ADAMTS12: variants seen among roughly 807,000 people sequenced by gnomAD.
The protein encoded by ADAMTS12 is A disintegrin and metalloproteinase with thrombospondin motifs 12.
In ADAMTS12, 118 loss-of-function variants were observed where a neutral mutation model predicts 167.8. That is an observed-to-expected ratio of 0.70 (90% CI 0.61 to 0.82). ADAMTS12 has a LOEUF of 0.82. Ranked by LOEUF, ADAMTS12 falls within the 40% of genes least tolerant of loss-of-function variation. The pLI is 0.00. For missense variants in ADAMTS12, 1,916 were observed against 1,998.8 expected (o/e 0.96, Z 0.79); for synonymous variants, 704 against 716.9 (o/e 0.98, Z 0.29).
chr5:33,870,782 T>G (rs549979764), intron 2 of ADAMTS12, among the ~76,000 whole-genome samples: 1 of 152,244 alleles, frequency 6.6e-6, no homozygotes, highest in South Asian at 2.1e-4. Context: ...TCTCATGAGA[T>G]CTGGTTGTTT....
At chr5:33,701,724 C>T (rs1743011430) in intron 3 of ADAMTS12, among the ~76,000 whole-genome samples, 1 of 152,212 alleles carries the variant, frequency 6.6e-6, no homozygotes, top group African/African-American at 2.4e-5. Flanking sequence ...TAAATAACCA[C>T]TCTCAGAGTT....
chr5:33,614,473 G>T, intron 15 of ADAMTS12, 97 bp from the exon 16 acceptor site: 1 of 1,439,292 alleles, frequency 6.9e-7, no homozygotes, highest in Non-Finnish European at 9.6e-7. Context: ...TCTAAAATTA[G>T]TAATGGGAGC....
At chr5:33,877,352 G>A (rs968437125) in intron 2 of ADAMTS12, among the ~76,000 whole-genome samples, 8 of 152,186 alleles carry the variant, frequency 5.3e-5, no homozygotes, top group African/African-American at 1.2e-4. Flanking sequence ...TCTTCTGCAC[G>A]AGGGTGGATA....
intron 17 of ADAMTS12, among the ~76,000 whole-genome samples, chr5:33,592,422 A>T (rs1160867188): frequency 6.6e-6 from 1 of 152,210 alleles, no homozygotes; most frequent in Non-Finnish European, 1.5e-5. Context: ...AGGTTTATTG[A>T]GTACTTTGGA....
At chr5:33,747,272 A>C (rs746977842) in intron 3 of ADAMTS12, among the ~76,000 whole-genome samples, 23 of 152,168 alleles carry the variant, frequency 1.5e-4, no homozygotes, top group Non-Finnish European at 2.6e-4. Context: ...ATTCATTGAG[A>C]ATCTATAGCC....
At chr5:33,760,400 T>C (rs1320806664) in intron 2 of ADAMTS12, among the ~76,000 whole-genome samples, 2 of 151,790 alleles carry the variant, frequency 1.3e-5, no homozygotes, top group African/African-American at 4.8e-5. Flanking sequence ...TTGAAAAACA[T>C]TCCAGTAGGC....
intron 5 of ADAMTS12, among the ~76,000 whole-genome samples, chr5:33,675,635 T>A (rs1332427127): frequency 6.6e-6 from 1 of 152,200 alleles, no homozygotes; most frequent in Non-Finnish European, 1.5e-5. Flanking sequence ...TGTGTAGAAC[T>A]TTCATCTGCA....
intron 2 of ADAMTS12, among the ~76,000 whole-genome samples, chr5:33,855,415 A>T (rs1222038795): frequency 6.6e-6 from 1 of 152,246 alleles, no homozygotes; most frequent in Non-Finnish European, 1.5e-5. Context: ...GGACAAATTG[A>T]TTCCTTGCTG....
At chr5:33,648,700 T>C in intron 9 of ADAMTS12, 122 bp downstream of exon 9, 1 of 1,263,706 alleles carries the variant, frequency 7.9e-7, no homozygotes, top group Non-Finnish European at 1.1e-6. Context: ...CACCTTGCCT[T>C]AAATATAAAG....
chr5:33,588,617 T>G lies in ADAMTS12; in HGVS notation c.2847A>C (p.Thr949=), dbSNP rs1747478009. 1 of 1,614,000 alleles carries G rather than the reference T, an allele frequency of 6.2e-7. No individual in the cohort carries two copies. Among genetic ancestry groups the G allele is most frequent in the African/African-American group, 1.3e-5 (1 of 74,912 alleles). ...AGCTCACCTCACTCCAGTTGCCCACTGTCCAGTCCGAGGGGCACAGGATGT... is the reference window on the plus strand; with the variant it reads ...AGCTCACCTCACTCCAGTTGCCCACGGTCCAGTCCGAGGGGCACAGGATGT... ...NRDILCPSDW[T]VGNWSECSVS... The change falls in exon 18 of 24, where the codon ACA becomes ACC. Residue 949 remains threonine, a synonymous_variant. Transcript: ENST00000504830.
At chr5:33,638,686 A>G (rs990912378) in intron 11 of ADAMTS12, among the ~76,000 whole-genome samples, 2 of 152,124 alleles carry the variant, frequency 1.3e-5, no homozygotes, top group Non-Finnish European at 2.9e-5. Flanking sequence ...ATCATTCCCA[A>G]AGATAGTTCT....
chr5:33,577,830 A>T (rs1348824481), intron 18 of ADAMTS12, among the ~76,000 whole-genome samples: 1 of 152,152 alleles, frequency 6.6e-6, no homozygotes, highest in Non-Finnish European at 1.5e-5. Flanking sequence ...CATGGCACTG[A>T]GGTATATATT....
chr5:33,567,115 CT>C (rs1702305427), intron 19 of ADAMTS12, among the ~76,000 whole-genome samples: 1 of 152,186 alleles, frequency 6.6e-6, no homozygotes, highest in Non-Finnish European at 1.5e-5. Flanking sequence ...CCTAGCCTTC[CT>C]AATGTGTGTG....
At chr5:33,873,792 G>C (rs1234212829) in intron 2 of ADAMTS12, among the ~76,000 whole-genome samples, 1 of 152,178 alleles carries the variant, frequency 6.6e-6, no homozygotes, top group Non-Finnish European at 1.5e-5. Context: ...AAGTGGGAAA[G>C]GCAATGTAAT....
At chr5:33,784,313 T>C (rs1746253612) in intron 2 of ADAMTS12, among the ~76,000 whole-genome samples, 1 of 151,914 alleles carries the variant, frequency 6.6e-6, no homozygotes, top group Admixed American at 6.6e-5. Context: ...ATATGTCCCC[T>C]CTCACTACTT....
intron 1 of ADAMTS12, among the ~76,000 whole-genome samples, chr5:33,884,935 G>A (rs547870245): frequency 2.6e-5 from 4 of 152,204 alleles, no homozygotes; most frequent in South Asian, 2.1e-4. Flanking sequence ...AAGGGAGCAC[G>A]AACGAAAAGC....
intron 2 of ADAMTS12, among the ~76,000 whole-genome samples, chr5:33,849,758 CTATATATGTATTGCATAGCAATATAT>C (rs1749150114): frequency 1.4e-5 from 2 of 146,820 alleles, no homozygotes; most frequent in African/African-American, 5.0e-5. Context: ...TATATAGTAT[CTATATATGTATTGCATAGCAATATAT>C]AGTATCTATA....
Position 33,525,481 on chromosome 5 carries a change from C to A in ADAMTS12, c.*1707G>T, listed in dbSNP as rs1416377128. ...ATATTAAATCTTAAATTCAAGGTAC[C>A]CAAGCAATAAAACTGGCATTGGTCA... On this transcript the variant is annotated 3_prime_UTR_variant, in exon 24 of 24. Coordinates refer to ENST00000504830, the MANE Select transcript of ADAMTS12 (RefSeq NM_030955.4). 1 of 151,994 alleles carries A rather than the reference C, an allele frequency of 6.6e-6. No individual in the cohort carries two copies. Among genetic ancestry groups the A allele is most frequent in the Non-Finnish European group, 1.5e-5 (1 of 67,998 alleles). 9.4% of individuals were successfully genotyped at this position (151,994 alleles called of 1,614,324 possible).
chr5:33,884,056 C>T (rs1750553880), intron 1 of ADAMTS12, among the ~76,000 whole-genome samples: 1 of 152,176 alleles, frequency 6.6e-6, no homozygotes, highest in African/African-American at 2.4e-5. Context: ...TCTTATTCAG[C>T]TGGGTATAGT....
Sources: gnomAD v4.1 joint callset for allele counts (sites outside exome capture counted in the v4.1 genomes callset) on GRCh38, gnomAD v4.1.1 for gene constraint, MANE v1.5 for transcripts, NCBI Gene and HGNC (gene_info 2026-07-23, HGNC 2026-07-21) for gene names.